Variants in KHDRBS3 observed in about 807,000 individuals in gnomAD.
The protein encoded by KHDRBS3 is KH RNA binding domain containing, signal transduction associated 3, also known as KH domain-containing, RNA-binding, signal transduction-associated protein 3.
KHDRBS3 carries 23 observed loss-of-function variants against 45.6 expected under a neutral mutation model. The observed-to-expected ratio is 0.50, with a 90% CI of 0.36 to 0.72. The LOEUF is 0.72. Ranked by LOEUF, KHDRBS3 falls within the 30% of genes least tolerant of loss-of-function variation. The probability of loss-of-function intolerance (pLI) is 0.00; values close to 1 mark genes in which losing one functional copy is unlikely to be tolerated. For missense variants in KHDRBS3, 352 were observed against 424.8 expected, an observed-to-expected ratio of 0.83 and a Z score of 1.51; for synonymous variants, 162 against 156.5, an observed-to-expected ratio of 1.04 and a Z score of -0.26.
chr8:135,639,842 A>G (rs1280705057), intron 7 of KHDRBS3, among the ~76,000 whole-genome samples: 1 of 152,176 alleles, frequency 6.6e-6, no homozygotes. Context: ...TAAACCATTC[A>G]TGAGGGATCT....
At position 135,643,693 on chromosome 8, in the gene KHDRBS3, G is replaced by A. The variant is rs1172267518; in HGVS notation, c.891-1366G>A. Among the ~76,000 whole-genome samples, 6 of 152,192 alleles carry A rather than the reference G, an allele frequency of 3.9e-5. No individual in the cohort carries two copies. The South Asian group carries it at 1.0e-3, about 26-fold the overall frequency. ...TCATTTTCCTGAGAAAGAAAACGTG[G>A]GGGAAAAACTCCGTGTGGTTGTGAC... is the stretch of plus-strand genomic sequence containing the variant. On this transcript the variant is annotated intron_variant, in intron 7 of 8. Coordinates refer to ENST00000355849, the MANE Select transcript of KHDRBS3 (RefSeq NM_006558.3).
intron 5 of KHDRBS3, among the ~76,000 whole-genome samples, chr8:135,565,288 GA>G (rs1827359878): frequency 6.6e-6 from 1 of 152,186 alleles, no homozygotes; most frequent in African/African-American, 2.4e-5. Flanking sequence ...GAAGAGGTGA[GA>G]GGGGAGGGAA....
At chr8:135,509,393 T>G (rs1824163645) in intron 1 of KHDRBS3, among the ~76,000 whole-genome samples, 1 of 152,328 alleles carries the variant, frequency 6.6e-6, no homozygotes, top group Non-Finnish European at 1.5e-5. Context: ...CCCGGCACTC[T>G]GAGAAGTTAT....
rs536670434 is a variant in KHDRBS3 at position 135,656,476 on chromosome 8, A to G, written c.*368A>G. 16 of 152,336 alleles carry G rather than the reference A, an allele frequency of 1.1e-4. No homozygotes were observed. The South Asian group carries it at 2.1e-3, about 20-fold the overall frequency. 9.4% of individuals were successfully genotyped at this position (152,336 alleles called of 1,614,324 possible). On this transcript the variant is annotated 3_prime_UTR_variant and NMD_transcript_variant, in exon 5 of 5. Transcript: ENST00000521461. ...ACAAAAAGAGAATGATTTGTATAGT[A>G]GTTAATAAAGGCTGCCTATTGAAAT...
At chr8:135,530,446 A>G (rs1825415358) in intron 2 of KHDRBS3, among the ~76,000 whole-genome samples, 1 of 152,226 alleles carries the variant, frequency 6.6e-6, no homozygotes, top group South Asian at 2.1e-4. Context: ...GAAATAATCA[A>G]TATGTAATTA....
intron 2 of KHDRBS3, among the ~76,000 whole-genome samples, chr8:135,537,122 G>A (rs569169772): frequency 2.6e-5 from 4 of 152,196 alleles, no homozygotes; most frequent in African/African-American, 7.2e-5. Context: ...CAGTGCCCTC[G>A]TGCAGTAGGT....
chr8:135,645,023 T>C (rs981537503), intron 7 of KHDRBS3, 36 bp from the exon 8 acceptor site: 6 of 1,605,746 alleles, frequency 3.7e-6, no homozygotes, highest in Non-Finnish European at 5.1e-6. Flanking sequence ...CACAGCCAGA[T>C]GATTTTGTCC....
chr8:135,647,794 A>C (rs1831352431), downstream of KHDRBS3: 2 of 152,256 alleles, frequency 1.3e-5, no homozygotes, highest in Admixed American at 1.3e-4. Context: ...CTCACCATAG[A>C]TTTAAATGCT....
At chr8:135,507,313 G>C (rs1363592294) in intron 1 of KHDRBS3, among the ~76,000 whole-genome samples, 2 of 152,118 alleles carry the variant, frequency 1.3e-5, no homozygotes, top group African/African-American at 4.8e-5. Flanking sequence ...CTTATTGTTA[G>C]TTTTAGTCAA....
intron 1 of KHDRBS3, among the ~76,000 whole-genome samples, chr8:135,466,246 G>A (rs982740517): frequency 6.6e-6 from 1 of 152,134 alleles, no homozygotes. Flanking sequence ...CATTGCTCAA[G>A]CGCCTGAGGT....
intron 2 of KHDRBS3, chr8:135,540,687 T>C (rs1209165876): frequency 1.3e-5 from 2 of 152,212 alleles, no homozygotes; most frequent in Non-Finnish European, 1.5e-5. Context: ...TCTTAAGAGA[T>C]TGAGGAGTTT....
In KHDRBS3 at chr8:135,585,902, A is replaced by G. The variant is rs188461112; in HGVS notation, c.807+3829A>G. Among the ~76,000 whole-genome samples, 188 of 152,314 alleles carry G rather than the reference A, an allele frequency of 1.2e-3. 1 individual carries two copies. Among genetic ancestry groups the G allele is most frequent in the African/African-American group, 4.3e-3 (179 of 41,574 alleles). On this transcript the variant is annotated intron_variant, in intron 6 of 8. Transcript: ENST00000355849. ...ATGAAGATTACCATTGATTTTTTCTAAGTTCCTGGTAAAAGCATGTGATGG... is the reference window on the plus strand; with the variant it reads ...ATGAAGATTACCATTGATTTTTTCTGAGTTCCTGGTAAAAGCATGTGATGG...
intron 2 of KHDRBS3, chr8:135,539,097 A>C (rs970503421): frequency 6.6e-6 from 1 of 152,198 alleles, no homozygotes; most frequent in Non-Finnish European, 1.5e-5. Flanking sequence ...CACAATTGAC[A>C]TTTTAAACAG....
chr8:135,576,742 C>T (rs1827962862), intron 5 of KHDRBS3, among the ~76,000 whole-genome samples: 1 of 152,098 alleles, frequency 6.6e-6, no homozygotes, highest in Admixed American at 6.6e-5. Flanking sequence ...GCTGCTGGCC[C>T]GCTTGTTGTT....
intron 7 of KHDRBS3, among the ~76,000 whole-genome samples, chr8:135,638,018 G>T (rs1212858848): frequency 6.6e-6 from 1 of 152,032 alleles, no homozygotes; most frequent in African/African-American, 2.4e-5. Flanking sequence ...TGAGAAAGAG[G>T]AAGTAGATGA....
chr8:135,470,551 T>TC (rs754150321), intron 1 of KHDRBS3, among the ~76,000 whole-genome samples: 1 of 151,408 alleles, frequency 6.6e-6, no homozygotes, highest in South Asian at 2.1e-4. Flanking sequence ...CATCCCTTTT[T>TC]CCCCCTTGGT....
intron 4 of KHDRBS3, among the ~76,000 whole-genome samples, chr8:135,553,494 CATA>C (rs1826718747): frequency 1.3e-5 from 2 of 152,100 alleles, no homozygotes; most frequent in Non-Finnish European, 2.9e-5. Flanking sequence ...TTAATGTCTG[CATA>C]ATATTTTATT....
rs749194376 is a variant in KHDRBS3 at position 135,610,652 on chromosome 8, A to G, written c.890+3615A>G. Among the ~76,000 whole-genome samples, 37 of 152,048 alleles carry G rather than the reference A, an allele frequency of 2.4e-4. 1 individual carries two copies. Among genetic ancestry groups the G allele is most frequent in the Admixed American group, 7.2e-4 (11 of 15,282 alleles). On this transcript the variant is annotated intron_variant, in intron 7 of 8. Coordinates refer to ENST00000355849, the MANE Select transcript of KHDRBS3 (RefSeq NM_006558.3). ...AATTCATTGTTTTCATAAGAAGACTATGCTAAATTCTGGTTGGGAATACTG... is the reference window on the plus strand; with the variant it reads ...AATTCATTGTTTTCATAAGAAGACTGTGCTAAATTCTGGTTGGGAATACTG...
intron 2 of KHDRBS3, among the ~76,000 whole-genome samples, chr8:135,528,607 T>G (rs1420706308): frequency 6.6e-6 from 1 of 152,220 alleles, no homozygotes; most frequent in Non-Finnish European, 1.5e-5. Flanking sequence ...GTATCCACAG[T>G]GCCAAAATTA....
Sources: gnomAD v4.1 joint callset for allele counts (sites outside exome capture counted in the v4.1 genomes callset) on GRCh38, gnomAD v4.1.1 for gene constraint, MANE v1.5 for transcripts, NCBI Gene and HGNC (gene_info 2026-07-23, HGNC 2026-07-21) for gene names.